The following FGFR1 variants were observed in gnomAD, a reference collection of about 807,000 sequenced individuals.
FGFR1 encodes fibroblast growth factor receptor 1.
FGFR1 carries 18 observed loss-of-function variants against 93.7 expected under a neutral mutation model. The observed-to-expected ratio is 0.19, with a 90% CI of 0.13 to 0.28. FGFR1 has a LOEUF of 0.28. Ranked by LOEUF, FGFR1 falls within the 10% of genes least tolerant of loss-of-function variation. The probability of loss-of-function intolerance (pLI) is 1.00; values close to 1 mark genes in which losing one functional copy is unlikely to be tolerated. For missense variants in FGFR1, 731 were observed against 1,080.4 expected, an observed-to-expected ratio of 0.68 and a Z score of 4.53; for synonymous variants, 448 against 429.3, an observed-to-expected ratio of 1.04 and a Z score of -0.54.
In FGFR1 at chr8:38,427,904, C is replaced by T. The variant is rs750098882; in HGVS notation, c.621+17G>A. ...CCTGTTCCCATTACTCTAACTTTCG[C>T]ATGCACACACACGTACCTTGTAGCC... On this transcript the variant is annotated intron_variant, in intron 5 of 17. Coordinates refer to ENST00000447712, the MANE Select transcript of FGFR1 (RefSeq NM_023110.3). The T allele has an allele frequency of 8.7e-6, 14 of 1,614,124 alleles. No individual in the cohort carries two copies. The highest frequency in any genetic ancestry group is 4.0e-5 in the African/African-American group (3 of 74,944).
chr8:38,431,355 T>C (rs1460977081), intron 2 of FGFR1, among the ~76,000 whole-genome samples: 1 of 152,206 alleles, frequency 6.6e-6, no homozygotes, highest in Non-Finnish European at 1.5e-5. Flanking sequence ...GGCAGTCCTC[T>C]TTCTGAACCT....
In FGFR1 at chr8:38,412,030, CAT is replaced by C. The variant is rs1430116871; in HGVS notation, c.*1596_*1597del. 1.3e-5 allele frequency: 3 copies of C among 227,178 alleles called. No individual in the cohort carries two copies. The highest frequency in any genetic ancestry group is 2.6e-5 in the Non-Finnish European group (3 of 114,260). 14.1% of individuals were successfully genotyped at this position (227,178 alleles called of 1,614,324 possible). A position where few individuals can be genotyped will look rare whatever the true frequency, so the allele number is the denominator to read the frequency against. On this transcript the variant is annotated 3_prime_UTR_variant, in exon 18 of 18. Transcript: ENST00000447712. ...CATGCCCACATAGAGGGGGCAGACACATGTCTGGGTTTCAGTTTCTGCAGACC... is the reference window on the plus strand; with the variant it reads ...CATGCCCACATAGAGGGGGCAGACACGTCTGGGTTTCAGTTTCTGCAGACC...
chr8:38,451,292 G>A (rs1326006390), intron 2 of FGFR1, among the ~76,000 whole-genome samples: 2 of 151,824 alleles, frequency 1.3e-5, no homozygotes, highest in Admixed American at 1.3e-4. Context: ...AGGCAGCCTT[G>A]GGACACAGGA....
chr8:38,438,984 G>A (rs568449312), intron 2 of FGFR1, among the ~76,000 whole-genome samples: 166 of 152,226 alleles, frequency 1.1e-3, no homozygotes, highest in African/African-American at 3.6e-3. Flanking sequence ...CAGCAGGCTC[G>A]GCTGTCCAAA....
At position 38,429,277 on chromosome 8, in the gene FGFR1, C is replaced by T. The variant is rs374841615; in HGVS notation, c.358+405G>A. On this transcript the variant is annotated intron_variant, in intron 3 of 17. Transcript: ENST00000447712. This position sits in a 1 kb window ranked among gnomAD's most constrained non-coding sequence, Gnocchi z 4.4. Reference sequence around the variant, plus strand: ...TTCCTCTCCAGCAGAGCAGGGATACCACCACCTGTTCAGGGCCTCTAATCA... The same window carrying T: ...TTCCTCTCCAGCAGAGCAGGGATACTACCACCTGTTCAGGGCCTCTAATCA... 1.3e-4 allele frequency: 65 copies of T among 516,260 alleles called. No individual in the cohort carries two copies. Among genetic ancestry groups the T allele is most frequent in the African/African-American group, 9.9e-4 (52 of 52,492 alleles). 32.0% of individuals were successfully genotyped at this position (516,260 alleles called of 1,614,324 possible).
chr8:38,440,400 C>A, intron 2 of FGFR1: 1 of 1,547,220 alleles, frequency 6.5e-7, no homozygotes, highest in South Asian at 1.2e-5. Context: ...GGAGAGAGCC[C>A]CAAAAATGTG....
At chr8:38,446,668 C>T (rs1829402181) in intron 2 of FGFR1, among the ~76,000 whole-genome samples, 1 of 152,128 alleles carries the variant, frequency 6.6e-6, no homozygotes, top group African/African-American at 2.4e-5. Flanking sequence ...CTCGGCCTCC[C>T]AAAGTGCTGG....
rs1199382490 is a variant in FGFR1 at position 38,418,224 on chromosome 8, T to TATATATATATTATA, written c.1430+3_1430+4insTATAATATATATAT. ...CAAAAAGTTGGGAGTCAAAGTATTA[T>TATATATATATTATA]TACCTGTCCCGAGGCAGCTCCCAGC... is the stretch of plus-strand genomic sequence containing the variant. On this transcript the variant is annotated splice_donor_region_variant and intron_variant, in intron 10 of 17. Transcript: ENST00000447712. The TATATATATATTATA allele has an allele frequency of 2.5e-6, 4 of 1,614,080 alleles. No homozygotes were observed. Among genetic ancestry groups the TATATATATATTATA allele is most frequent in the Non-Finnish European group, 3.4e-6 (4 of 1,180,050 alleles).
intron 2 of FGFR1, among the ~76,000 whole-genome samples, chr8:38,447,527 G>T (rs1829747969): frequency 1.3e-5 from 2 of 152,146 alleles, no homozygotes; most frequent in South Asian, 4.1e-4. Flanking sequence ...TGTCGCCCAG[G>T]ATGGAGTGCA....
rs1401284715 is a variant in FGFR1, at chr8:38,468,035, G to A, written c.-143C>T. The A allele has an allele frequency of 4.5e-6, 1 of 222,004 alleles. No homozygotes were observed. The highest frequency in any genetic ancestry group is 9.0e-6 in the Non-Finnish European group (1 of 110,928). The allele number at this position is 222,004 out of a possible 1,614,324, so 13.8% of individuals were successfully genotyped here. On this transcript the variant is annotated 5_prime_UTR_variant, in exon 1 of 18. Transcript: ENST00000447712. ...AGAGTCCGCCGTGGCTTGTGCGAGC[G>A]GGCGTGTGCCCGCGTCCCCGGCTCC...
At position 38,411,249 on chromosome 8, in the gene FGFR1, A is replaced by T. The variant is rs1010837669; in HGVS notation, c.*2379T>A. The T allele has an allele frequency of 9.6e-6, 2 of 208,232 alleles. No homozygotes were observed. Among genetic ancestry groups the T allele is most frequent in the East Asian group, 1.5e-4 (2 of 13,742 alleles). 12.9% of individuals were successfully genotyped at this position (208,232 alleles called of 1,614,324 possible). A position where few individuals can be genotyped will look rare whatever the true frequency, so the allele number is the denominator to read the frequency against. On this transcript the variant is annotated 3_prime_UTR_variant, in exon 18 of 18. Coordinates refer to ENST00000447712, the MANE Select transcript of FGFR1 (RefSeq NM_023110.3). ...ATCACTGTAATTATGATAGTGCCTT[A>T]TATTTTTCTAGCACCTCTCCCAAGG... is the stretch of plus-strand genomic sequence containing the variant.
chr8:38,444,790 A>C (rs1828779375), intron 2 of FGFR1, among the ~76,000 whole-genome samples: 1 of 152,166 alleles, frequency 6.6e-6, no homozygotes, highest in Non-Finnish European at 1.5e-5. Context: ...CTGGGGATCT[A>C]GAACAATCCT....
rs140968909 is a variant in FGFR1, at chr8:38,459,316, G to A, written c.-88-1782C>T. The stretch of plus-strand genomic sequence containing the variant: ...TCCCCCGAGCCAGGCAGGGCCCCTC[G>A]CAAGTGAGTCAGTGCTGGCTGGCAG... On this transcript the variant is annotated intron_variant, in intron 1 of 17. Transcript: ENST00000447712. Among the ~76,000 whole-genome samples the A allele has an allele frequency of 8.5e-4, 130 of 152,222 alleles. No individual in the cohort carries two copies. The East Asian group carries it at 0.021, about 25-fold the overall frequency.
At chr8:38,423,704 A>T (rs1284465340) in intron 7 of FGFR1, 1 of 157,926 alleles carries the variant, frequency 6.3e-6, no homozygotes, top group Non-Finnish European at 1.4e-5. Flanking sequence ...TTCAAATGGA[A>T]TGTTCTATTT....
At chr8:38,456,831 A>G (rs960128901) in intron 2 of FGFR1, among the ~76,000 whole-genome samples, 1 of 152,048 alleles carries the variant, frequency 6.6e-6, no homozygotes, top group Non-Finnish European at 1.5e-5. Context: ...TTAGCCTCCC[A>G]GAGTGCTGAG....
At chr8:38,427,041 A>G (rs1438269502) in intron 5 of FGFR1, among the ~76,000 whole-genome samples, 2 of 151,038 alleles carry the variant, frequency 1.3e-5, no homozygotes, top group African/African-American at 2.4e-5. Flanking sequence ...TGGGAGGTGG[A>G]GCTTGCAGTG....
At chr8:38,423,174 T>C in intron 7 of FGFR1, 1 of 779,284 alleles carries the variant, frequency 1.3e-6, no homozygotes, top group Non-Finnish European at 2.4e-6. Flanking sequence ...AATCCCCGAA[T>C]GCTGGAACAA....
intron 6 of FGFR1, among the ~76,000 whole-genome samples, chr8:38,425,408 A>G (rs1037392120): frequency 6.6e-6 from 1 of 152,042 alleles, no homozygotes. Flanking sequence ...TTGGCCTCCT[A>G]AAGTGATGGG....
At chr8:38,434,819 TG>T (rs938894042) in intron 2 of FGFR1, 9 of 153,534 alleles carry the variant, frequency 5.9e-5, no homozygotes, top group African/African-American at 1.9e-4. Flanking sequence ...ACTGCAACTC[TG>T]CACCACTTAT....
Sources: gnomAD v4.1 joint callset for allele counts (sites outside exome capture counted in the v4.1 genomes callset) on GRCh38, gnomAD v4.1.1 for gene constraint, Gnocchi (gnomAD v3.1) non-coding constraint, MANE v1.5 for transcripts, NCBI Gene and HGNC (gene_info 2026-07-23, HGNC 2026-07-21) for gene names.